The following ADGRF4 variants were observed in gnomAD, a reference collection of about 807,000 sequenced individuals.
ADGRF4 encodes adhesion G protein-coupled receptor F4.
A neutral mutation model predicts 58.5 loss-of-function variants in ADGRF4; 63 were observed. The ratio of observed to expected loss-of-function variants is 1.08; its 90% CI spans 0.88 to 1.33. The LOEUF is 1.33. Among genes scored for constraint, ADGRF4 ranks in the 40% most tolerant of loss-of-function variants. The probability of loss-of-function intolerance (pLI) is 0.00; values close to 1 mark genes in which losing one functional copy is unlikely to be tolerated. For missense variants in ADGRF4, 931 were observed against 843.9 expected (o/e 1.10, Z -1.28); for synonymous variants, 313 against 295.4 (o/e 1.06, Z -0.61).
chr6:47,713,883 A>T lies in ADGRF4; in HGVS notation c.638A>T (p.Asp213Val). The change falls in exon 6 of 10, where the codon GAT (aspartate) becomes GTT (valine). Residue 213 changes from aspartate (D) to valine (V), a missense_variant. Physicochemically the swap from Asp to Val is radical, Grantham distance 152 (BLOSUM62 -3). Coordinates refer to ENST00000283303, the MANE Select transcript of ADGRF4 (RefSeq NM_153838.5). ...ATTCCCAACAAAAATGCCAGCTCGG[A>T]TTTGTTGCAGTCAGTGAATTTGTTT... ...AFIPNKNASS[D>V]LLQSVNLFAR... 6.2e-7 allele frequency: 1 copy of T among 1,607,414 alleles called. No individual in the cohort carries two copies. The highest frequency in any genetic ancestry group is 8.5e-7 in the Non-Finnish European group (1 of 1,177,444).
In ADGRF4 at chr6:47,712,617, TGTTA is replaced by T. The variant is rs756379487; in HGVS notation, c.552+10_552+13del. 8 of 1,559,768 alleles carry T rather than the reference TGTTA, an allele frequency of 5.1e-6. No individual in the cohort carries two copies. In the South Asian group the frequency reaches 9.0e-5, roughly 18 times the overall value. ...CTCGAGAGAAAATGAAGGTATTCTTTGTTAATCATTTAAAAATGATGTTTTTCTT... is the reference window on the plus strand; with the variant it reads ...CTCGAGAGAAAATGAAGGTATTCTTTATCATTTAAAAATGATGTTTTTCTT... On this transcript the variant is annotated intron_variant, in intron 5 of 9. Transcript: ENST00000283303.
chr6:47,712,593 T>A lies in ADGRF4; in HGVS notation c.537T>A (p.Thr179=). ...NISTDLSDNV[T]REKMKSYSEV... ...CTACAGACTTGTCTGATAATGTTAC[T>A]CGAGAGAAAATGAAGGTATTCTTTG... The change falls in exon 5 of 10, where the codon ACT becomes ACA. Residue 179 remains threonine, a synonymous_variant. Transcript: ENST00000283303. The A allele has an allele frequency of 6.3e-7, 1 of 1,576,250 alleles. No individual in the cohort carries two copies. Among genetic ancestry groups the A allele is most frequent in the South Asian group, 1.1e-5 (1 of 90,020 alleles).
intron 9 of ADGRF4, among the ~76,000 whole-genome samples, chr6:47,720,446 G>A (rs1410014517): frequency 6.6e-6 from 1 of 152,212 alleles, no homozygotes; most frequent in Non-Finnish European, 1.5e-5. Context: ...GGCTTCCAGT[G>A]TTGGGGGACA....
At chr6:47,713,491 C>G (rs539486527) in intron 5 of ADGRF4, among the ~76,000 whole-genome samples, 8 of 152,312 alleles carry the variant, frequency 5.3e-5, no homozygotes, top group African/African-American at 1.9e-4. Flanking sequence ...TACCTCCACT[C>G]TCCTCCATTA....
intron 3 of ADGRF4, among the ~76,000 whole-genome samples, chr6:47,709,300 C>T (rs1450846323): frequency 6.6e-6 from 1 of 152,204 alleles, no homozygotes; most frequent in Non-Finnish European, 1.5e-5. Flanking sequence ...GCACTCTGAC[C>T]GATGGGCCAC....
intron 1 of ADGRF4, among the ~76,000 whole-genome samples, chr6:47,699,944 C>G (rs1264857179): frequency 7.0e-6 from 1 of 142,520 alleles, no homozygotes; most frequent in Non-Finnish European, 1.5e-5. Context: ...CCCCCCCCCC[C>G]AAAATGTGGG....
At chr6:47,720,825 A>G (rs913357747) in intron 9 of ADGRF4, among the ~76,000 whole-genome samples, 5 of 152,216 alleles carry the variant, frequency 3.3e-5, no homozygotes, top group African/African-American at 4.8e-5. Context: ...TCACTCCACA[A>G]TAATAAATGA....
intron 7 of ADGRF4, 45 bp downstream of exon 7, chr6:47,716,892 TG>T: frequency 2.2e-6 from 3 of 1,362,166 alleles, no homozygotes; most frequent in African/African-American, 1.4e-5. Flanking sequence ...TTCATGTGGC[TG>T]GGGGAAGCAG....
intron 1 of ADGRF4, among the ~76,000 whole-genome samples, chr6:47,700,889 A>T (rs1026845815): frequency 2.0e-5 from 3 of 152,176 alleles, no homozygotes; most frequent in African/African-American, 7.2e-5. Context: ...TCTATTCTGT[A>T]TCTTATCCTC....
chr6:47,716,751 G>T, intron 6 of ADGRF4, 55 bp from the exon 7 acceptor site: 1 of 1,306,070 alleles, frequency 7.7e-7, no homozygotes, highest in South Asian at 1.2e-5. Flanking sequence ...GAAAATAACA[G>T]CAGGAATATT....
rs1771956389 is a variant in ADGRF4, at chr6:47,714,509, A to G, written c.1264A>G (p.Ile422Val). 4 of 1,614,120 alleles carry G rather than the reference A, an allele frequency of 2.5e-6. No homozygotes were observed. Among genetic ancestry groups the G allele is most frequent in the African/African-American group, 2.7e-5 (2 of 75,040 alleles). The change falls in exon 6 of 10, where the codon ATT (isoleucine) becomes GTT (valine). Residue 422 changes from isoleucine (I) to valine (V), a missense_variant. Coordinates refer to ENST00000283303, the MANE Select transcript of ADGRF4 (RefSeq NM_153838.5). ...CCTAAGCTTGGTTCTTTGCCTGATC[A>G]TTGAAGCCACAGTGTGGTCCCGGGT... is the stretch of plus-strand genomic sequence containing the variant. ...SILSLVLCLI[I>V]EATVWSRVVV...
At chr6:47,703,730 A>G (rs973942913) in intron 1 of ADGRF4, among the ~76,000 whole-genome samples, 1 of 152,220 alleles carries the variant, frequency 6.6e-6, no homozygotes, top group Admixed American at 6.5e-5. Context: ...ATTTCATATT[A>G]CATATATATT....
At chr6:47,701,769 A>G (rs1018908846) in intron 1 of ADGRF4, among the ~76,000 whole-genome samples, 1 of 152,204 alleles carries the variant, frequency 6.6e-6, no homozygotes, top group African/African-American at 2.4e-5. Flanking sequence ...TTTTCCTCCA[A>G]GATAACATAT....
chr6:47,714,980 G>C lies in ADGRF4; in HGVS notation c.1735G>C (p.Val579Leu), dbSNP rs762386799. ...GGCTGTAAATCTGATTGTGGTTTTG[G>C]TTGTTGCTGTCAACACTCAGAGGCC... ...IVAVNLIVVL[V>L]VAVNTQRPSI... is the part of the protein sequence containing the mutation. Residue 579 changes from valine to leucine, a missense_variant, in exon 6 of 10, where the codon GTT becomes CTT. Physicochemically the swap from Val to Leu is conservative, Grantham distance 32 (BLOSUM62 1). Coordinates refer to ENST00000283303, the MANE Select transcript of ADGRF4 (RefSeq NM_153838.5). 6.2e-7 allele frequency: 1 copy of C among 1,613,564 alleles called. No individual in the cohort carries two copies. The highest frequency in any genetic ancestry group is 1.7e-5 in the Admixed American group (1 of 60,014).
chr6:47,716,988 A>C, intron 7 of ADGRF4, 141 bp downstream of exon 7: 1 of 659,082 alleles, frequency 1.5e-6, no homozygotes. Flanking sequence ...TGTGAAAAGA[A>C]AAAAAAAACA....
At chr6:47,700,714 A>G (rs550694727) in intron 1 of ADGRF4, among the ~76,000 whole-genome samples, 19 of 152,188 alleles carry the variant, frequency 1.2e-4, no homozygotes, top group Non-Finnish European at 2.1e-4. Context: ...CATCTACTTA[A>G]GTCACCAGGT....
In ADGRF4 at chr6:47,698,726, A is replaced by T. The variant is rs1389708027; in HGVS notation, c.-85A>T. ...GTGATGGTGAGGCATCATGCTAGGG[A>T]GCTGAGCTCTGACCTTCCTGCTGGG... On this transcript the variant is annotated 5_prime_UTR_variant, in exon 1 of 10. Coordinates refer to ENST00000283303, the MANE Select transcript of ADGRF4 (RefSeq NM_153838.5). 3 of 152,202 alleles carry T rather than the reference A, an allele frequency of 2.0e-5. No individual in the cohort carries two copies. The highest frequency in any genetic ancestry group is 4.8e-5 in the African/African-American group (2 of 41,424). 9.4% of individuals were successfully genotyped at this position (152,202 alleles called of 1,614,324 possible). A position where few individuals can be genotyped will look rare whatever the true frequency, so the allele number is the denominator to read the frequency against.
At chr6:47,708,098 A>T (rs1581692600) in intron 2 of ADGRF4, 126 bp from the exon 3 acceptor site, 1 of 675,364 alleles carries the variant, frequency 1.5e-6, no homozygotes, top group East Asian at 2.8e-5. Flanking sequence ...CAGCACATTT[A>T]TCTGCTGCAG....
At chr6:47,720,373 G>A (rs1211705454) in intron 9 of ADGRF4, among the ~76,000 whole-genome samples, 2 of 152,178 alleles carry the variant, frequency 1.3e-5, no homozygotes, top group East Asian at 1.9e-4. Flanking sequence ...ATGGTCTCAG[G>A]AGGTAGGCAG....
Sources: allele counts gnomAD v4.1 joint callset (sites outside exome capture counted in the v4.1 genomes callset), GRCh38; gene constraint gnomAD v4.1.1; transcripts MANE v1.5; gene names NCBI Gene and HGNC (gene_info 2026-07-23, HGNC 2026-07-21).